Variants in RANBP17 observed in about 807,000 individuals in gnomAD.
RANBP17 encodes the protein RAN binding protein 17.
Under a neutral mutation model 141.2 loss-of-function variants are expected in RANBP17, and 158 were observed. The observed-to-expected ratio is 1.12, with a 90% CI of 0.98 to 1.28. The LOEUF (loss-of-function observed/expected upper bound fraction) is 1.28, where lower values mean the gene tolerates loss of function less well. Among genes scored for constraint, RANBP17 ranks in the 50% most tolerant of loss-of-function variants. The pLI is 0.00. For synonymous variants in RANBP17, 430 were observed against 450.0 expected (o/e 0.96, Z 0.56); for missense variants, 1,438 against 1,290.7 (o/e 1.11, Z -1.75).
intron 14 of RANBP17, among the ~76,000 whole-genome samples, chr5:171,152,092 A>G (rs1250624759): frequency 6.6e-6 from 1 of 152,098 alleles, no homozygotes; most frequent in African/African-American, 2.4e-5. Flanking sequence ...GAGGAGAAAG[A>G]ACACATGGTA....
chr5:171,113,808 C>T (rs558122629), intron 14 of RANBP17, among the ~76,000 whole-genome samples: 2 of 152,282 alleles, frequency 1.3e-5, no homozygotes, highest in South Asian at 4.1e-4. Flanking sequence ...ATCAAAACTA[C>T]TTTTAAAATA....
chr5:170,955,170 T>C (rs1775520557), intron 13 of RANBP17, among the ~76,000 whole-genome samples: 1 of 152,072 alleles, frequency 6.6e-6, no homozygotes, highest in South Asian at 2.1e-4. Context: ...TGGTCCCTGG[T>C]GCCAAAAAGG....
chr5:171,267,953 A>G (rs1468332424), intron 25 of RANBP17, among the ~76,000 whole-genome samples: 9 of 152,378 alleles, frequency 5.9e-5, no homozygotes, highest in Non-Finnish European at 1.2e-4. Flanking sequence ...GTAATGTTTC[A>G]GTTAACCAAT....
chr5:171,036,445 C>A (rs1581457768), intron 14 of RANBP17, among the ~76,000 whole-genome samples: 1 of 151,942 alleles, frequency 6.6e-6, no homozygotes, highest in Non-Finnish European at 1.5e-5. Context: ...CTATCTTTTT[C>A]TTTATAATTT....
chr5:171,117,770 G>C (rs1333267319), intron 14 of RANBP17, among the ~76,000 whole-genome samples: 11 of 152,124 alleles, frequency 7.2e-5, no homozygotes, highest in Non-Finnish European at 1.2e-4. Context: ...TGGGATTACA[G>C]ACGTGAGCCA....
At chr5:171,043,944 A>G (rs1782413038) in intron 14 of RANBP17, among the ~76,000 whole-genome samples, 1 of 152,168 alleles carries the variant, frequency 6.6e-6, no homozygotes, top group African/African-American at 2.4e-5. Context: ...GTTTTGCACT[A>G]TAAGATCTAA....
At chr5:171,288,875 G>A (rs1381050195) in intron 25 of RANBP17, among the ~76,000 whole-genome samples, 2 of 152,152 alleles carry the variant, frequency 1.3e-5, no homozygotes, top group Non-Finnish European at 2.9e-5. Flanking sequence ...TCTGGAGCTG[G>A]CTATAGGACA....
chr5:171,202,190 A>G (rs972754924), intron 19 of RANBP17, among the ~76,000 whole-genome samples: 2 of 152,242 alleles, frequency 1.3e-5, no homozygotes, highest in Admixed American at 1.3e-4. Context: ...ATAAAATTGA[A>G]GAAAACATTG....
intron 14 of RANBP17, among the ~76,000 whole-genome samples, chr5:171,116,584 A>G (rs1422750677): frequency 6.6e-6 from 1 of 152,216 alleles, no homozygotes; most frequent in Non-Finnish European, 1.5e-5. Context: ...TATGGGGCAC[A>G]TAGAGATGTT....
At chr5:170,993,459 A>G (rs1369742066) in intron 14 of RANBP17, among the ~76,000 whole-genome samples, 2 of 152,060 alleles carry the variant, frequency 1.3e-5, no homozygotes, top group Non-Finnish European at 2.9e-5. Context: ...AGATTAGGTC[A>G]GCAGTCACAC....
At chr5:171,173,918 C>G (rs1026043289) in intron 16 of RANBP17, among the ~76,000 whole-genome samples, 9 of 152,066 alleles carry the variant, frequency 5.9e-5, no homozygotes, top group African/African-American at 2.2e-4. Context: ...TCTGGTACTT[C>G]CCTCACAGAC....
chr5:171,283,972 G>T (rs190475528), intron 25 of RANBP17, among the ~76,000 whole-genome samples: 1 of 152,120 alleles, frequency 6.6e-6, no homozygotes, highest in South Asian at 2.1e-4. Context: ...TGCATGAGAC[G>T]CCCTCGTGCC....
chr5:171,071,109 G>T (rs1010845727), intron 14 of RANBP17, among the ~76,000 whole-genome samples: 6 of 152,046 alleles, frequency 3.9e-5, no homozygotes, highest in African/African-American at 1.4e-4. Flanking sequence ...GAACCAATTT[G>T]TACCTAACCA....
At chr5:171,212,129 A>G (rs1002409581) in intron 20 of RANBP17, among the ~76,000 whole-genome samples, 1 of 152,226 alleles carries the variant, frequency 6.6e-6, no homozygotes, top group Non-Finnish European at 1.5e-5. Flanking sequence ...AGGCAAGTGC[A>G]TGTGATGTCA....
At chr5:171,153,214 A>G (rs1758613681) in intron 14 of RANBP17, among the ~76,000 whole-genome samples, 1 of 152,192 alleles carries the variant, frequency 6.6e-6, no homozygotes, top group Non-Finnish European at 1.5e-5. Flanking sequence ...GATCCTAGTC[A>G]TATTTCTGAA....
intron 22 of RANBP17, among the ~76,000 whole-genome samples, chr5:171,232,804 C>A (rs1214962705): frequency 2.0e-5 from 3 of 151,948 alleles, no homozygotes; most frequent in African/African-American, 7.3e-5. Context: ...ATATATAAAT[C>A]TACCTCATCT....
Position 171,265,901 on chromosome 5 carries a change from C to T in RANBP17, c.2943+54C>T. 6 of 1,527,758 alleles carry T rather than the reference C, an allele frequency of 3.9e-6. 1 individual carries two copies. The South Asian group carries it at 7.3e-5, about 19-fold the overall frequency. The allele number at this position is 1,527,758 out of a possible 1,614,324, so 94.6% of individuals were successfully genotyped here. ...GAAACAAGTGTTCCCAGAAGCCATA[C>T]CTGGCCCCGAATTTATCTTAGAGCA... On this transcript the variant is annotated intron_variant, in intron 25 of 27. Transcript: ENST00000523189.
rs1581124258 is a variant in RANBP17 at position 171,253,099 on chromosome 5, C to T, written c.2776+10279C>T. 1.4e-5 allele frequency: 9 copies of T among 661,290 alleles called. No homozygotes were observed. In the East Asian group the frequency reaches 2.4e-4, roughly 18 times the overall value. The allele number at this position is 661,290 out of a possible 1,614,324, so 41.0% of individuals were successfully genotyped here. On this transcript the variant is annotated intron_variant, in intron 24 of 27. Coordinates refer to ENST00000523189, the MANE Select transcript of RANBP17 (RefSeq NM_022897.5). ...GAGAAAATGCAGGAAGCTCTGGGGG[C>T]AGTAGCACACTTTGCACACGATAAA...
chr5:170,892,129 C>CTTT (rs143842890), intron 3 of RANBP17, among the ~76,000 whole-genome samples: 3 of 131,904 alleles, frequency 2.3e-5, no homozygotes, highest in Admixed American at 7.5e-5. Flanking sequence ...TCACAAAATT[C>CTTT]TTTTTTTTTT....
Sources: allele counts gnomAD v4.1 joint callset (sites outside exome capture counted in the v4.1 genomes callset), GRCh38; gene constraint gnomAD v4.1.1; transcripts MANE v1.5; gene names NCBI Gene and HGNC (gene_info 2026-07-23, HGNC 2026-07-21).